Variants in PPP1R8 observed in about 807,000 individuals in gnomAD.
PPP1R8 encodes the protein protein phosphatase 1 regulatory subunit 8, also known as nuclear inhibitor of protein phosphatase 1.
In PPP1R8, 4 loss-of-function variants were observed where a neutral mutation model predicts 31.3. The observed-to-expected ratio is 0.13, with a 90% CI of 0.06 to 0.29. PPP1R8 has a LOEUF of 0.29. Ranked by LOEUF, PPP1R8 falls within the 10% of genes least tolerant of loss-of-function variation. The pLI, the probability that PPP1R8 is intolerant of heterozygous loss-of-function variation, is 1.00. For missense variants in PPP1R8, 254 were observed against 440.1 expected (o/e 0.58, Z 3.78); for synonymous variants, 170 against 169.7 (o/e 1.00, Z -0.01).
chr1:27,844,606 C>T (rs182725916), intron 5 of PPP1R8, among the ~76,000 whole-genome samples: 2 of 151,672 alleles, frequency 1.3e-5, no homozygotes, highest in Admixed American at 1.3e-4. Context: ...GGATTACAGG[C>T]GTGAGCTACC....
chr1:27,843,515 C>G (rs2089242658), intron 5 of PPP1R8, among the ~76,000 whole-genome samples, 185 bp downstream of exon 5: 1 of 152,086 alleles, frequency 6.6e-6, no homozygotes, highest in South Asian at 2.1e-4. Context: ...CAAAAATTAG[C>G]TGGGCATGGT....
chr1:27,848,130 C>T (rs766161749), intron 6 of PPP1R8, among the ~76,000 whole-genome samples: 2 of 152,074 alleles, frequency 1.3e-5, no homozygotes, highest in South Asian at 2.1e-4. Flanking sequence ...TGGCTGGGTG[C>T]GGTGGCTCAC....
At chr1:27,835,498 C>T (rs2148614908) in intron 2 of PPP1R8, among the ~76,000 whole-genome samples, 1 of 152,226 alleles carries the variant, frequency 6.6e-6, no homozygotes, top group Non-Finnish European at 1.5e-5. Context: ...TAGTGTGGGC[C>T]CAGAACAAGC....
chr1:27,836,491 T>G (rs1571546599), intron 2 of PPP1R8, among the ~76,000 whole-genome samples: 3 of 152,172 alleles, frequency 2.0e-5, no homozygotes, highest in East Asian at 3.9e-4. Flanking sequence ...CTCGGCTCAC[T>G]GCAAGCTCTG....
chr1:27,846,482 C>G (rs774720008), intron 5 of PPP1R8, among the ~76,000 whole-genome samples: 1 of 152,238 alleles, frequency 6.6e-6, no homozygotes, highest in South Asian at 2.1e-4. Flanking sequence ...CAGTTCAGGC[C>G]GTTCAAGTCA....
chr1:27,841,073 A>G lies in PPP1R8; in HGVS notation c.331A>G (p.Ile111Val), dbSNP rs1470118574. The G allele has an allele frequency of 8.7e-6, 14 of 1,613,996 alleles. No homozygotes were observed. The highest frequency in any genetic ancestry group is 2.2e-5 in the South Asian group (2 of 91,078). The change falls in exon 4 of 7, where the codon ATC (isoleucine) becomes GTC (valine). Residue 111 changes from isoleucine to valine, a missense_variant. Physicochemically the swap from Ile to Val is conservative, Grantham distance 29. Around this residue, in one of 6 missense-constraint regions of PPP1R8, gnomAD observed 52 missense variants for 145.3 expected, o/e 0.36. Transcript: ENST00000311772. ...LEPHKPQQIP[I>V]DSTVSFGAST... ...ACCTCACAAGCCTCAGCAAATTCCC[A>G]TCGATTCCACGGTCTCATTTGGCGC...
chr1:27,846,913 C>A (rs1188722519), intron 5 of PPP1R8, 115 bp from the exon 6 acceptor site: 4 of 873,202 alleles, frequency 4.6e-6, no homozygotes, highest in Non-Finnish European at 5.7e-6. Flanking sequence ...GAAGCACTCT[C>A]TGTGTTTTAC....
intron 6 of PPP1R8, among the ~76,000 whole-genome samples, chr1:27,848,768 C>T (rs1057005056): frequency 6.6e-6 from 1 of 151,946 alleles, no homozygotes; most frequent in Non-Finnish European, 1.5e-5. Context: ...TCCATAATGC[C>T]CCTTGAGCTT....
intron 2 of PPP1R8, among the ~76,000 whole-genome samples, chr1:27,834,874 C>T (rs1214700635): frequency 6.6e-6 from 1 of 152,072 alleles, no homozygotes; most frequent in Non-Finnish European, 1.5e-5. Context: ...AAAAATTAGC[C>T]AGGTGCAGTG....
At chr1:27,833,215 A>G (rs141357571) in intron 2 of PPP1R8, among the ~76,000 whole-genome samples, 2 of 152,244 alleles carry the variant, frequency 1.3e-5, no homozygotes, top group Non-Finnish European at 2.9e-5. Context: ...TTCAGGCCCA[A>G]CTCCTTATAA....
At position 27,841,123 on chromosome 1, in the gene PPP1R8, C is replaced by G; in HGVS notation, c.381C>G (p.Arg127=). 10 of 1,614,184 alleles carry G rather than the reference C, an allele frequency of 6.2e-6. No individual in the cohort carries two copies. The highest frequency in any genetic ancestry group is 7.6e-6 in the Non-Finnish European group (9 of 1,180,044). Residue 127 remains arginine, a synonymous_variant, in exon 4 of 7, where the codon CGC becomes CGG. Coordinates refer to ENST00000311772, the MANE Select transcript of PPP1R8 (RefSeq NM_014110.5). The part of the protein sequence containing the change: ...FGASTRAYTL[R]EKPQTLPSAV... ...CATCCACAAGGGCATACACTCTGCG[C>G]GAGAAGCCTCAGACATTGCCATCGG...
At chr1:27,849,163 G>A (rs986283223) in intron 6 of PPP1R8, among the ~76,000 whole-genome samples, 8 of 152,116 alleles carry the variant, frequency 5.3e-5, no homozygotes, top group African/African-American at 7.2e-5. Context: ...CCTGAGGTCC[G>A]GAGTTCAAGA....
intron 2 of PPP1R8, among the ~76,000 whole-genome samples, 178 bp downstream of exon 2, chr1:27,832,994 C>A (rs923582756): frequency 6.6e-6 from 1 of 151,894 alleles, no homozygotes; most frequent in Non-Finnish European, 1.5e-5. Context: ...TTATGTCTAC[C>A]ACAGACACTC....
rs554502711 is a variant in PPP1R8 at position 27,837,754 on chromosome 1, G to A, written c.118-945G>A. ...CGCACCACTGCACTCCAGACTGGGCGACAGAGCGAGACTTAGTCTCAAAAA... is the reference window on the plus strand; with the variant it reads ...CGCACCACTGCACTCCAGACTGGGCAACAGAGCGAGACTTAGTCTCAAAAA... On this transcript the variant is annotated intron_variant, in intron 2 of 6. Coordinates refer to ENST00000311772, the MANE Select transcript of PPP1R8 (RefSeq NM_014110.5). 4.7e-5 allele frequency among the ~76,000 whole-genome samples: 7 copies of A among 148,826 alleles called. No homozygotes were observed. The East Asian group carries it at 7.9e-4, about 17-fold the overall frequency.
chr1:27,844,896 T>C (rs2089259482), intron 5 of PPP1R8, among the ~76,000 whole-genome samples: 1 of 128,218 alleles, frequency 7.8e-6, no homozygotes, highest in Non-Finnish European at 1.6e-5. Context: ...TTTTTTTTTT[T>C]TTTTTTTTTT....
rs1250506188 is a variant in PPP1R8 at position 27,850,195 on chromosome 1, C to G, written c.805C>G (p.Pro269Ala). ...CGGAGGACTCTACGGGGGCCTGCCC[C>G]CCACACACAGTGAAGCAGGCTCCCA... Reference protein sequence around the residue: ...FSGGLYGGLPPTHSEAGSQPH... With the variant: ...FSGGLYGGLPATHSEAGSQPH... Residue 269 changes from proline to alanine, a missense_variant, in exon 7 of 7, where the codon CCC becomes GCC. Pro to Ala is a conservative substitution (Grantham distance 27). Transcript: ENST00000311772. 6.2e-7 allele frequency: 1 copy of G among 1,614,176 alleles called. No individual in the cohort carries two copies.
At chr1:27,840,629 C>G (rs1328131642) in intron 3 of PPP1R8, among the ~76,000 whole-genome samples, 1 of 152,124 alleles carries the variant, frequency 6.6e-6, no homozygotes, top group Admixed American at 6.6e-5. Context: ...TGGGTTGGAG[C>G]CATTCTTATT....
intron 5 of PPP1R8, among the ~76,000 whole-genome samples, chr1:27,845,783 C>CTTTTTTTTTTTTTTTTTTTTT (rs773994854): frequency 2.7e-4 from 25 of 91,834 alleles, no homozygotes; most frequent in African/African-American, 1.2e-3. Flanking sequence ...TTCTTTCTTT[C>CTTTTTTTTTTTTTTTTTTTTT]TTTTTTTTTT....
chr1:27,844,707 T>C (rs1348921507), intron 5 of PPP1R8, among the ~76,000 whole-genome samples: 3 of 122,316 alleles, frequency 2.5e-5, no homozygotes, highest in Admixed American at 2.3e-4. Context: ...AAATTTCTTT[T>C]TTTTTTTTTT....
Sources: allele counts gnomAD v4.1 joint callset (sites outside exome capture counted in the v4.1 genomes callset), GRCh38; gene constraint gnomAD v4.1.1; regional missense constraint gnomAD v4.1.1; transcripts MANE v1.5; gene names NCBI Gene and HGNC (gene_info 2026-07-23, HGNC 2026-07-21).